ZFYVE28: variants seen among roughly 807,000 people sequenced by gnomAD.
ZFYVE28 encodes the protein zinc finger FYVE-type containing 28, also known as lateral signaling target protein 2 homolog.
Under a neutral mutation model 82.1 loss-of-function variants are expected in ZFYVE28, and 40 were observed. The ratio of observed to expected loss-of-function variants is 0.49; its 90% CI spans 0.38 to 0.63. The LOEUF is 0.63. ZFYVE28 is among the 30% of genes least tolerant of loss of function. The probability of loss-of-function intolerance (pLI) is 0.00; values close to 1 mark genes in which losing one functional copy is unlikely to be tolerated. For synonymous variants in ZFYVE28, 612 were observed against 546.1 expected, an observed-to-expected ratio of 1.12 and a Z score of -1.68; for missense variants, 1,321 against 1,242.1, an observed-to-expected ratio of 1.06 and a Z score of -0.96.
At position 2,346,336 on chromosome 4, in the gene ZFYVE28, C is replaced by T. The variant is rs140273358; in HGVS notation, c.181-4721G>A. On this transcript the variant is annotated intron_variant, in intron 2 of 12. Transcript: ENST00000290974. ...CAGCCTGGGTGACTGAGCGAGACTC[C>T]ATCTCAAAAAAAAAAAAAGAAAGAA... Among the ~76,000 whole-genome samples, 520 of 128,062 alleles carry T rather than the reference C, an allele frequency of 4.1e-3. 3 individuals carry two copies. Among genetic ancestry groups the T allele is most frequent in the African/African-American group, 0.015 (469 of 30,460 alleles). 84.0% of individuals were successfully genotyped at this position (128,062 alleles called of 152,430 possible).
In ZFYVE28 at chr4:2,399,080, G is replaced by A. The variant is rs1282430168; in HGVS notation, c.39+19205C>T. ...TGGAGGTGAGATCCAGGGCACAAGCGTGAAGGTGAGATCCAGGGCACAAGC... is the reference window on the plus strand; with the variant it reads ...TGGAGGTGAGATCCAGGGCACAAGCATGAAGGTGAGATCCAGGGCACAAGC... On this transcript the variant is annotated intron_variant, in intron 1 of 12. Transcript: ENST00000290974. 4.4e-4 allele frequency among the ~76,000 whole-genome samples: 62 copies of A among 141,440 alleles called. 1 individual carries two copies. Among genetic ancestry groups the A allele is most frequent in the African/African-American group, 1.7e-3 (61 of 36,582 alleles). 92.8% of individuals were successfully genotyped at this position (141,440 alleles called of 152,430 possible). A position where few individuals can be genotyped will look rare whatever the true frequency, so the allele number is the denominator to read the frequency against.
At chr4:2,376,416 A>G (rs1474244304) in intron 1 of ZFYVE28, among the ~76,000 whole-genome samples, 1 of 148,242 alleles carries the variant, frequency 6.7e-6, no homozygotes, top group Non-Finnish European at 1.5e-5. Flanking sequence ...AATTCGCCAG[A>G]TGTATTAGTC....
intron 8 of ZFYVE28, among the ~76,000 whole-genome samples, chr4:2,281,813 C>G (rs947693946): frequency 6.6e-6 from 1 of 152,154 alleles, no homozygotes; most frequent in African/African-American, 2.4e-5. Context: ...CAGGGTAGGG[C>G]CATGAGGAGG....
chr4:2,393,494 A>G (rs1397096147), intron 1 of ZFYVE28, among the ~76,000 whole-genome samples: 2 of 152,208 alleles, frequency 1.3e-5, no homozygotes, highest in Non-Finnish European at 2.9e-5. Context: ...GGGACCTGCC[A>G]TAACCACCCC....
At chr4:2,361,619 C>T (rs780875585) in intron 1 of ZFYVE28, among the ~76,000 whole-genome samples, 25 of 152,190 alleles carry the variant, frequency 1.6e-4, no homozygotes, top group Non-Finnish European at 2.9e-4. Flanking sequence ...CAGCCCATCA[C>T]ACCACGCCTT....
intron 7 of ZFYVE28, among the ~76,000 whole-genome samples, chr4:2,309,912 T>C (rs1717236104): frequency 2.0e-5 from 3 of 152,246 alleles, no homozygotes; most frequent in African/African-American, 7.2e-5. Flanking sequence ...GGTGTGAAAT[T>C]TTTTCAAATG....
chr4:2,389,169 G>A (rs1193130282), intron 1 of ZFYVE28, among the ~76,000 whole-genome samples: 4 of 151,904 alleles, frequency 2.6e-5, no homozygotes, highest in Admixed American at 1.3e-4. Context: ...CAATCCTAAT[G>A]GCTACAGCCT....
intron 5 of ZFYVE28, among the ~76,000 whole-genome samples, chr4:2,336,863 G>A (rs1283845685): frequency 1.4e-5 from 2 of 143,958 alleles, no homozygotes; most frequent in African/African-American, 2.6e-5. Flanking sequence ...GAGAAGGTGA[G>A]GAGGGAGGAG....
At chr4:2,280,143 AT>A (rs1206760334) in intron 8 of ZFYVE28, among the ~76,000 whole-genome samples, 19 of 152,358 alleles carry the variant, frequency 1.2e-4, no homozygotes, top group Non-Finnish European at 2.6e-4. Flanking sequence ...TCATATCCCT[AT>A]GGTGAAACAA....
intron 6 of ZFYVE28, chr4:2,324,747 A>G (rs1719622447): frequency 6.3e-6 from 1 of 159,512 alleles, no homozygotes; most frequent in Admixed American, 6.3e-5. Flanking sequence ...TCTTGTATCC[A>G]GGAGTAGATA....
Position 2,339,447 on chromosome 4 carries a change from C to T in ZFYVE28, c.521+6G>A, listed in dbSNP as rs371055427. 96 of 1,612,958 alleles carry T rather than the reference C, an allele frequency of 6.0e-5. No homozygotes were observed. The highest frequency in any genetic ancestry group is 7.9e-5 in the Non-Finnish European group (93 of 1,179,688). On this transcript the variant is annotated splice_donor_region_variant and intron_variant, in intron 4 of 12. Transcript: ENST00000290974. This position sits in a 1 kb window ranked among gnomAD's most constrained non-coding sequence, Gnocchi z 5.0. ...AGCCAGGGCTGTGGACCCACAGCTG[C>T]AGTACCTGAGCTCAAACTCTGCGAA...
chr4:2,355,190 G>T (rs1173750367), intron 1 of ZFYVE28, among the ~76,000 whole-genome samples: 1 of 95,784 alleles, frequency 1.0e-5, no homozygotes, highest in Non-Finnish European at 1.9e-5. Context: ...AAGTGATGAA[G>T]TCCTTGAAAA....
chr4:2,356,866 C>A (rs955366808), intron 1 of ZFYVE28, among the ~76,000 whole-genome samples: 1 of 152,154 alleles, frequency 6.6e-6, no homozygotes, highest in Non-Finnish European at 1.5e-5. Flanking sequence ...GGCCCTTGAC[C>A]TTTGCTTCAG....
intron 1 of ZFYVE28, among the ~76,000 whole-genome samples, chr4:2,406,047 CAAA>C (rs766149952): frequency 1.1e-5 from 1 of 90,472 alleles, no homozygotes; most frequent in Non-Finnish European, 2.1e-5. Context: ...GATTCTGTCT[CAAA>C]AAAAAAAAAA....
At chr4:2,342,711 G>T (rs543075042) in intron 2 of ZFYVE28, 1 of 152,160 alleles carries the variant, frequency 6.6e-6, no homozygotes, top group African/African-American at 2.4e-5. Flanking sequence ...ATCCTTTTCT[G>T]TAAATTTGTC....
chr4:2,333,141 C>T (rs1037438730), intron 6 of ZFYVE28, among the ~76,000 whole-genome samples: 1 of 151,858 alleles, frequency 6.6e-6, no homozygotes, highest in Non-Finnish European at 1.5e-5. Flanking sequence ...CCTCTGCCAA[C>T]AGAAGCTCCA....
intron 6 of ZFYVE28, among the ~76,000 whole-genome samples, chr4:2,329,492 A>G (rs191426645): frequency 6.2e-4 from 94 of 152,362 alleles, no homozygotes; most frequent in Admixed American, 6.1e-3. Context: ...TGAAAACATT[A>G]TGTGAAGTGA....
intron 1 of ZFYVE28, among the ~76,000 whole-genome samples, chr4:2,380,744 G>A (rs370264863): frequency 6.6e-6 from 1 of 152,176 alleles, no homozygotes; most frequent in East Asian, 1.9e-4. Flanking sequence ...GTTTTATCAG[G>A]GGTTTTCGCT....
chr4:2,376,396 A>G (rs1728149014), intron 1 of ZFYVE28, among the ~76,000 whole-genome samples: 1 of 116,284 alleles, frequency 8.6e-6, no homozygotes. Flanking sequence ...AAAAAAAAAA[A>G]AAGTTTTTAA....
Sources: allele counts gnomAD v4.1 joint callset (sites outside exome capture counted in the v4.1 genomes callset), GRCh38; gene constraint gnomAD v4.1.1; non-coding constraint Gnocchi (gnomAD v3.1); transcripts MANE v1.5; gene names NCBI Gene and HGNC (gene_info 2026-07-23, HGNC 2026-07-21).